ZNF638: variants seen among roughly 807,000 people sequenced by gnomAD.
ZNF638 encodes CTCL tumor antigen se33-1.
ZNF638 carries 46 observed loss-of-function variants against 195.6 expected under a neutral mutation model. The observed-to-expected ratio is 0.24, with a 90% CI of 0.19 to 0.30. The LOEUF is 0.30. ZNF638 is among the 10% of genes least tolerant of loss of function. The pLI, the probability that ZNF638 is intolerant of heterozygous loss-of-function variation, is 1.00. For synonymous variants in ZNF638, 845 were observed against 772.0 expected, an observed-to-expected ratio of 1.09 and a Z score of -1.57; for missense variants, 2,440 against 2,325.3, an observed-to-expected ratio of 1.05 and a Z score of -1.01.
chr2:71,432,565 A>C (rs1477643107), intron 26 of ZNF638, among the ~76,000 whole-genome samples: 1 of 152,228 alleles, frequency 6.6e-6, no homozygotes, highest in African/African-American at 2.4e-5. Context: ...ATTATTGAAC[A>C]GTTCTTTGTT....
intron 20 of ZNF638, 72 bp downstream of exon 20, chr2:71,408,319 TAGTC>T (rs1471407164): frequency 4.7e-6 from 7 of 1,505,030 alleles, no homozygotes; most frequent in Admixed American, 2.2e-5. Context: ...TCTCAGGTAG[TAGTC>T]AAACTGTTTC....
rs148562953 is a variant in ZNF638 at position 71,363,078 on chromosome 2, T to C, written c.1380-75T>C. On this transcript the variant is annotated intron_variant, in intron 3 of 27. Coordinates refer to ENST00000264447, the MANE Select transcript of ZNF638 (RefSeq NM_014497.5). ...AAAGTTGTGAAAAGTCCTTTTGATA[T>C]ATTACAGGTAAAGATTAATTGAGCC... is the stretch of plus-strand genomic sequence containing the variant. 1.8e-5 allele frequency: 19 copies of C among 1,036,216 alleles called. No homozygotes were observed. The African/African-American group carries it at 2.6e-4, about 14-fold the overall frequency. 64.2% of individuals were successfully genotyped at this position (1,036,216 alleles called of 1,614,324 possible).
rs143227391 is a variant in ZNF638 at position 71,364,041 on chromosome 2, T to A, written c.1506T>A (p.Ser502Arg). Residue 502 changes from serine to arginine, a missense_variant, in exon 5 of 28, where the codon AGT (serine) becomes AGA (arginine). Around this residue, in one of 5 missense-constraint regions of ZNF638, gnomAD observed 1,883 missense variants for 1,739.1 expected, o/e 1.08. Coordinates refer to ENST00000264447, the MANE Select transcript of ZNF638 (RefSeq NM_014497.5). ...SPRRSRRSSS[S>R]HRFRRSRSPM... Reference sequence around the variant, plus strand: ...GGCGTTCTAGAAGATCAAGCTCAAGTCACAGATTCCGTCGGTCTCGAAGCC... The same window carrying A: ...GGCGTTCTAGAAGATCAAGCTCAAGACACAGATTCCGTCGGTCTCGAAGCC... 188 of 1,614,072 alleles carry A rather than the reference T, an allele frequency of 1.2e-4. No individual in the cohort carries two copies. Among genetic ancestry groups the A allele is most frequent in the Non-Finnish European group, 1.6e-4 (183 of 1,180,036 alleles).
At chr2:71,418,984 C>G (rs994829402) in intron 21 of ZNF638, among the ~76,000 whole-genome samples, 1 of 152,154 alleles carries the variant, frequency 6.6e-6, no homozygotes, top group Non-Finnish European at 1.5e-5. Flanking sequence ...TTTTCCTATT[C>G]CAAAATAAAC....
At chr2:71,377,615 G>A (rs1014182435) in intron 8 of ZNF638, among the ~76,000 whole-genome samples, 1 of 152,206 alleles carries the variant, frequency 6.6e-6, no homozygotes, top group African/African-American at 2.4e-5. Flanking sequence ...CCTCTGTTGT[G>A]TCAGGCATTG....
At chr2:71,331,944 C>T in intron 1 of ZNF638, 69 bp downstream of exon 1, 1 of 984,894 alleles carries the variant, frequency 1.0e-6, no homozygotes, top group Non-Finnish European at 1.2e-6. Context: ...GGTCCTGAGC[C>T]CTTCCTGTGA....
At chr2:71,432,292 C>T (rs113612245) in intron 26 of ZNF638, among the ~76,000 whole-genome samples, 1 of 152,148 alleles carries the variant, frequency 6.6e-6, no homozygotes, top group Admixed American at 6.5e-5. Context: ...CCCTTTCCTC[C>T]CAGGCTCAAG....
intron 16 of ZNF638, 98 bp from the exon 17 acceptor site, chr2:71,403,772 C>T: frequency 6.1e-6 from 5 of 818,584 alleles, no homozygotes; most frequent in South Asian, 2.5e-5. Context: ...TTGTTCAATC[C>T]ACTTGACGTT....
intron 21 of ZNF638, among the ~76,000 whole-genome samples, chr2:71,420,246 A>G (rs933785350): frequency 6.6e-5 from 10 of 151,932 alleles, no homozygotes; most frequent in African/African-American, 2.4e-4. Flanking sequence ...GTGGTTGCCA[A>G]TTCATTATGA....
chr2:71,368,331 C>T (rs777041181), intron 6 of ZNF638, 51 bp from the exon 7 acceptor site: 2 of 1,535,608 alleles, frequency 1.3e-6, no homozygotes, highest in East Asian at 4.5e-5. Flanking sequence ...TATTACTGTA[C>T]ATTGTAGCTT....
At chr2:71,391,899 T>C (rs1339407020) in intron 10 of ZNF638, among the ~76,000 whole-genome samples, 1 of 152,152 alleles carries the variant, frequency 6.6e-6, no homozygotes, top group Non-Finnish European at 1.5e-5. Context: ...ATCCACGATA[T>C]TCAGTTCAGT....
At chr2:71,383,309 C>T in intron 10 of ZNF638, among the ~76,000 whole-genome samples, 1 of 151,910 alleles carries the variant, frequency 6.6e-6, no homozygotes, top group East Asian at 1.9e-4. Context: ...GAGCGAGACT[C>T]CACCTCAAAA....
At position 71,348,524 on chromosome 2, in the gene ZNF638, A is replaced by G. The variant is rs780079116; in HGVS notation, c.-202-229A>G. On this transcript the variant is annotated intron_variant, in intron 1 of 27. Transcript: ENST00000264447. ...CTAGGACAGCACCCAGTGCAACACAATGTACATGAACTCTGGCTTGAGGTT... is the reference window on the plus strand; with the variant it reads ...CTAGGACAGCACCCAGTGCAACACAGTGTACATGAACTCTGGCTTGAGGTT... 4.3e-5 allele frequency: 50 copies of G among 1,166,114 alleles called. No individual in the cohort carries two copies. In the East Asian group the frequency reaches 1.1e-3, roughly 25 times the overall value. 72.2% of individuals were successfully genotyped at this position (1,166,114 alleles called of 1,614,324 possible).
intron 25 of ZNF638, chr2:71,431,092 T>C: frequency 2.6e-6 from 1 of 387,338 alleles, no homozygotes; most frequent in South Asian, 3.8e-5. Flanking sequence ...CTGGAACATA[T>C]ATAAATAAAA....
chr2:71,400,075 G>GTT, intron 13 of ZNF638, 37 bp from the exon 14 acceptor site: 1 of 1,511,634 alleles, frequency 6.6e-7, no homozygotes, highest in Non-Finnish European at 9.0e-7. Context: ...TTATATTAGT[G>GTT]TTTTACTAGA....
intron 1 of ZNF638, among the ~76,000 whole-genome samples, chr2:71,347,759 T>G (rs1018053696): frequency 2.0e-5 from 3 of 152,210 alleles, no homozygotes; most frequent in Non-Finnish European, 4.4e-5. Context: ...GATGGGCTGG[T>G]CAGCAACCAG....
chr2:71,410,203 C>T (rs575616096), intron 20 of ZNF638, among the ~76,000 whole-genome samples: 7 of 152,248 alleles, frequency 4.6e-5, no homozygotes, highest in African/African-American at 1.7e-4. Context: ...GTTTTAAAGA[C>T]GAAGTCTTAA....
intron 8 of ZNF638, among the ~76,000 whole-genome samples, chr2:71,377,666 G>A (rs1353596912): frequency 3.3e-5 from 5 of 152,234 alleles, no homozygotes; most frequent in Admixed American, 3.3e-4. Context: ...AGAGAGGTGT[G>A]ATCCTACTCT....
intron 8 of ZNF638, among the ~76,000 whole-genome samples, chr2:71,371,318 C>T (rs889474090): frequency 6.6e-6 from 1 of 152,082 alleles, no homozygotes; most frequent in Non-Finnish European, 1.5e-5. Context: ...AGTACAGATA[C>T]CTCTTCAATA....
Sources: allele counts gnomAD v4.1 joint callset (sites outside exome capture counted in the v4.1 genomes callset), GRCh38; gene constraint gnomAD v4.1.1; regional missense constraint gnomAD v4.1.1; transcripts MANE v1.5; gene names NCBI Gene and HGNC (gene_info 2026-07-23, HGNC 2026-07-21).